The following POLR3H variants were observed in gnomAD, a reference collection of about 807,000 sequenced individuals.
POLR3H encodes the protein RNA polymerase III subunit H, also known as DNA-directed RNA polymerase III subunit RPC8.
In POLR3H, 17 loss-of-function variants were observed where a neutral mutation model predicts 25.5. The ratio of observed to expected loss-of-function variants is 0.67; its 90% CI spans 0.46 to 1.00. POLR3H has a LOEUF of 1.00. Among genes scored for constraint, POLR3H ranks in the 50% least tolerant of loss-of-function variants. The pLI, the probability that POLR3H is intolerant of heterozygous loss-of-function variation, is 0.00. For missense variants in POLR3H, 274 were observed against 265.0 expected (o/e 1.03, Z -0.24); for synonymous variants, 129 against 103.0 (o/e 1.25, Z -1.53).
At position 41,526,089 on chromosome 22, in the gene POLR3H, G is replaced by A; in HGVS notation, c.*3194C>T. 1.7e-6 allele frequency: 1 copy of A among 597,914 alleles called. No homozygotes were observed. Among genetic ancestry groups the A allele is most frequent in the Admixed American group, 3.0e-5 (1 of 33,462 alleles). The allele number at this position is 597,914 out of a possible 1,614,324, so 37.0% of individuals were successfully genotyped here. On this transcript the variant is annotated 3_prime_UTR_variant, in exon 6 of 6. Coordinates refer to ENST00000355209, the MANE Select transcript of POLR3H (RefSeq NM_001018050.4). ...TGAAGGCCTGGCCTGAGCCCATGTG[G>A]CCTTAGGGTGGAAGCACCAGGACCA... is the stretch of plus-strand genomic sequence containing the variant.
At position 41,527,116 on chromosome 22, in the gene POLR3H, AC is replaced by A; in HGVS notation, c.*2166del. Reference sequence around the variant, plus strand: ...TCGGGGCCTCGTTTGGGTCTCATTCACGCAGGCTTCACTTGCCCTTAGGCAG... The same window carrying A: ...TCGGGGCCTCGTTTGGGTCTCATTCAGCAGGCTTCACTTGCCCTTAGGCAG... On this transcript the variant is annotated 3_prime_UTR_variant, in exon 6 of 6. Coordinates refer to ENST00000355209, the MANE Select transcript of POLR3H (RefSeq NM_001018050.4). 1.1e-6 allele frequency: 1 copy of A among 941,120 alleles called. No homozygotes were observed. Among genetic ancestry groups the A allele is most frequent in the South Asian group, 1.7e-5 (1 of 59,358 alleles). The allele number at this position is 941,120 out of a possible 1,614,324, so 58.3% of individuals were successfully genotyped here. A position where few individuals can be genotyped will look rare whatever the true frequency, so the allele number is the denominator to read the frequency against.
intron 3 of POLR3H, 73 bp from the exon 4 acceptor site, chr22:41,532,230 C>T (rs565580396): frequency 2.0e-6 from 3 of 1,471,536 alleles, no homozygotes; most frequent in African/African-American, 1.4e-5. Context: ...GGGTCTTATG[C>T]TTGACAGGCA....
At chr22:41,540,869 C>T (rs2066918190) in intron 1 of POLR3H, 74 bp from the exon 2 acceptor site, 2 of 1,122,852 alleles carry the variant, frequency 1.8e-6, no homozygotes, top group Non-Finnish European at 2.7e-6. Context: ...CCCAGGCAAT[C>T]TGAGCCCCTC....
chr22:41,525,834 GA>G lies in POLR3H; in HGVS notation c.*3448del, dbSNP rs138734297. On this transcript the variant is annotated 3_prime_UTR_variant, in exon 6 of 6. Coordinates refer to ENST00000355209, the MANE Select transcript of POLR3H (RefSeq NM_001018050.4). ...GGCCAGAGGCCTCCAATCTGTGTCA[GA>G]TATTTATTTATGCTGCTTATTAAGG... The G allele has an allele frequency of 0.032, 6,252 of 198,430 alleles. 372 individuals are homozygous for G. The highest frequency in any genetic ancestry group is 0.14 in the African/African-American group (5,918 of 42,872). 12.3% of individuals were successfully genotyped at this position (198,430 alleles called of 1,614,324 possible).
At chr22:41,529,527 A>G in intron 5 of POLR3H, 191 bp from the exon 6 acceptor site, 2 of 665,326 alleles carry the variant, frequency 3.0e-6, no homozygotes, top group South Asian at 3.2e-5. Context: ...CAGGGCGCAG[A>G]CCCTTCTCCA....
At position 41,529,231 on chromosome 22, in the gene POLR3H, C is replaced by T. The variant is rs1055472983; in HGVS notation, c.*52G>A. The T allele has an allele frequency of 2.2e-5, 33 of 1,513,784 alleles. No individual in the cohort carries two copies. The highest frequency in any genetic ancestry group is 1.1e-4 in the East Asian group (5 of 43,970). 93.8% of individuals were successfully genotyped at this position (1,513,784 alleles called of 1,614,324 possible). A position where few individuals can be genotyped will look rare whatever the true frequency, so the allele number is the denominator to read the frequency against. ...CCTCAGCTGCTGTTGTCTTCACAGC[C>T]GGCCATACCACCTTCCCGCAGGCTG... On this transcript the variant is annotated 3_prime_UTR_variant, in exon 6 of 6. Coordinates refer to ENST00000355209, the MANE Select transcript of POLR3H (RefSeq NM_001018050.4).
At chr22:41,530,135 C>G (rs2066698185) in intron 5 of POLR3H, among the ~76,000 whole-genome samples, 1 of 151,966 alleles carries the variant, frequency 6.6e-6, no homozygotes, top group African/African-American at 2.4e-5. Context: ...CCTCCCTACC[C>G]CCCAATTTTT....
intron 4 of POLR3H, 75 bp from the exon 5 acceptor site, chr22:41,530,963 C>T: frequency 1.2e-5 from 17 of 1,396,548 alleles, no homozygotes; most frequent in Admixed American, 1.8e-5. Context: ...CCCGACCCCG[C>T]AGGAAAAACC....
chr22:41,528,303 C>G lies in POLR3H; in HGVS notation c.*980G>C. On this transcript the variant is annotated 3_prime_UTR_variant, in exon 6 of 6. Coordinates refer to ENST00000355209, the MANE Select transcript of POLR3H (RefSeq NM_001018050.4). ...GCAGGACCCTCTGGGCCCCAGGAATCCCCTGTAGGTGCCACCTGGGTCTGA... is the reference window on the plus strand; with the variant it reads ...GCAGGACCCTCTGGGCCCCAGGAATGCCCTGTAGGTGCCACCTGGGTCTGA... 1 of 965,884 alleles carries G rather than the reference C, an allele frequency of 1.0e-6. No homozygotes were observed. The highest frequency in any genetic ancestry group is 1.5e-6 in the Non-Finnish European group (1 of 668,046). 59.8% of individuals were successfully genotyped at this position (965,884 alleles called of 1,614,324 possible). A position where few individuals can be genotyped will look rare whatever the true frequency, so the allele number is the denominator to read the frequency against.
intron 2 of POLR3H, chr22:41,539,573 G>C (rs886681670): frequency 1.3e-5 from 2 of 152,334 alleles, no homozygotes; most frequent in Admixed American, 1.3e-4. Flanking sequence ...TCCATTCCTG[G>C]ATGCACACCC....
chr22:41,540,289 AC>A (rs1388963597), intron 2 of POLR3H: 1 of 344,046 alleles, frequency 2.9e-6, no homozygotes. Context: ...GGGCACAGAC[AC>A]AGAGCTATGA....
intron 2 of POLR3H, among the ~76,000 whole-genome samples, chr22:41,535,393 C>T (rs1446828021): frequency 6.6e-6 from 1 of 152,206 alleles, no homozygotes; most frequent in Non-Finnish European, 1.5e-5. Flanking sequence ...CAGAAGGACA[C>T]AGAGCAACAG....
chr22:41,542,128 G>A (rs1406491887), intron 1 of POLR3H, among the ~76,000 whole-genome samples: 1 of 151,484 alleles, frequency 6.6e-6, no homozygotes, highest in Non-Finnish European at 1.5e-5. Context: ...TTGTCACCCA[G>A]GCTGGAAGGC....
intron 2 of POLR3H, among the ~76,000 whole-genome samples, chr22:41,536,188 C>T (rs1021048641): frequency 1.3e-5 from 2 of 150,588 alleles, no homozygotes; most frequent in Non-Finnish European, 1.5e-5. Flanking sequence ...GTCAGGAGAT[C>T]GAGACCATCC....
intron 5 of POLR3H, among the ~76,000 whole-genome samples, 166 bp from the exon 6 acceptor site, chr22:41,529,502 C>T (rs1373431075): frequency 3.3e-5 from 5 of 152,216 alleles, no homozygotes; most frequent in Admixed American, 6.5e-5. Context: ...GTGCTCCCAA[C>T]GGGCACGCAG....
intron 3 of POLR3H, 178 bp downstream of exon 3, chr22:41,532,481 C>G: frequency 8.7e-7 from 1 of 1,144,418 alleles, no homozygotes; most frequent in South Asian, 1.6e-5. Context: ...AGTGAAACCG[C>G]ACTGCTGATG....
At chr22:41,531,702 G>A (rs947731566) in intron 4 of POLR3H, among the ~76,000 whole-genome samples, 15 of 152,214 alleles carry the variant, frequency 9.9e-5, no homozygotes, top group Non-Finnish European at 1.9e-4. Flanking sequence ...CCCACGACCC[G>A]GCACACAGGC....
chr22:41,527,219 A>G lies in POLR3H; in HGVS notation c.*2064T>C. The G allele has an allele frequency of 1.9e-6, 3 of 1,610,782 alleles. No homozygotes were observed. The highest frequency in any genetic ancestry group is 1.7e-6 in the Non-Finnish European group (2 of 1,178,112). Reference sequence around the variant, plus strand: ...AGGCGCCAGGTGGGTGAGGCCAGGCAGGTAGGGCCAGACAGGTGAGGACGG... The same window carrying G: ...AGGCGCCAGGTGGGTGAGGCCAGGCGGGTAGGGCCAGACAGGTGAGGACGG... On this transcript the variant is annotated 3_prime_UTR_variant, in exon 6 of 6. Coordinates refer to ENST00000355209, the MANE Select transcript of POLR3H (RefSeq NM_001018050.4).
Position 41,527,096 on chromosome 22 carries a change from G to C in POLR3H, c.*2187C>G. ...AACCACGTGCCTCTGTCCCCTCGGG[G>C]CCTCGTTTGGGTCTCATTCACGCAG... On this transcript the variant is annotated 3_prime_UTR_variant, in exon 6 of 6. Transcript: ENST00000355209. 1.3e-6 allele frequency: 1 copy of C among 759,928 alleles called. No individual in the cohort carries two copies. The highest frequency in any genetic ancestry group is 2.1e-6 in the Non-Finnish European group (1 of 481,072). 47.1% of individuals were successfully genotyped at this position (759,928 alleles called of 1,614,324 possible).
Sources: gnomAD v4.1 joint callset for allele counts (sites outside exome capture counted in the v4.1 genomes callset) on GRCh38, gnomAD v4.1.1 for gene constraint, MANE v1.5 for transcripts, NCBI Gene and HGNC (gene_info 2026-07-23, HGNC 2026-07-21) for gene names.